The following ASCC1 variants were observed in gnomAD, a reference collection of about 807,000 sequenced individuals.
The protein encoded by ASCC1 is ASC-1 complex subunit P50.
In ASCC1, 35 loss-of-function variants were observed where a neutral mutation model predicts 46.6. The ratio of observed to expected loss-of-function variants is 0.75; its 90% CI spans 0.57 to 0.99. The LOEUF (loss-of-function observed/expected upper bound fraction) is 0.99, where lower values mean the gene tolerates loss of function less well. Ranked by LOEUF, ASCC1 falls within the 50% of genes least tolerant of loss-of-function variation. ASCC1 has a pLI of 0.00. For synonymous variants in ASCC1, 143 were observed against 146.6 expected (o/e 0.98, Z 0.18); for missense variants, 376 against 428.7 (o/e 0.88, Z 1.09).
chr10:72,194,854 T>C (rs982739763), intron 5 of ASCC1, among the ~76,000 whole-genome samples: 20 of 151,718 alleles, frequency 1.3e-4, no homozygotes, highest in African/African-American at 4.6e-4. Flanking sequence ...GCGATTCTCC[T>C]GCCTCAGCCT....
chr10:72,179,006 T>A (rs1852217052), intron 5 of ASCC1, among the ~76,000 whole-genome samples: 1 of 152,152 alleles, frequency 6.6e-6, no homozygotes, highest in African/African-American at 2.4e-5. Flanking sequence ...AATGAACGTG[T>A]CCTTAGATAA....
At chr10:72,215,313 G>A (rs1859000143) in intron 1 of ASCC1, among the ~76,000 whole-genome samples, 1 of 152,206 alleles carries the variant, frequency 6.6e-6, no homozygotes, top group Non-Finnish European at 1.5e-5. Flanking sequence ...GCACGAGAAT[G>A]GCTTAAGCCT....
chr10:72,099,197 C>T (rs998835105), intron 9 of ASCC1, among the ~76,000 whole-genome samples: 4 of 152,116 alleles, frequency 2.6e-5, no homozygotes, highest in African/African-American at 9.7e-5. Flanking sequence ...TGCAAGTGAC[C>T]GACCCATGAC....
chr10:72,157,630 G>A (rs1210540833), intron 6 of ASCC1, among the ~76,000 whole-genome samples: 1 of 152,110 alleles, frequency 6.6e-6, no homozygotes, highest in Non-Finnish European at 1.5e-5. Context: ...TCGAGAACCA[G>A]AAAAGGTTAC....
intron 9 of ASCC1, among the ~76,000 whole-genome samples, chr10:72,104,515 A>G (rs896560396): frequency 6.6e-6 from 1 of 152,222 alleles, no homozygotes; most frequent in African/African-American, 2.4e-5. Flanking sequence ...AAACATGAAG[A>G]ACAAAGTGTT....
At chr10:72,181,479 A>G (rs560053934) in intron 5 of ASCC1, among the ~76,000 whole-genome samples, 1 of 152,324 alleles carries the variant, frequency 6.6e-6, no homozygotes, top group Admixed American at 6.5e-5. Context: ...TAAAAACAAA[A>G]TAGAAGCTGA....
intron 9 of ASCC1, among the ~76,000 whole-genome samples, chr10:72,119,230 A>G (rs1843880344): frequency 6.6e-6 from 1 of 152,250 alleles, no homozygotes; most frequent in Non-Finnish European, 1.5e-5. Flanking sequence ...TCCTGCTTCC[A>G]GCAGGGGGAG....
chr10:72,103,278 G>A (rs553649739), intron 9 of ASCC1, among the ~76,000 whole-genome samples: 5 of 151,562 alleles, frequency 3.3e-5, no homozygotes, highest in East Asian at 2.0e-4. Flanking sequence ...GACTACAGGC[G>A]CCTGCCACCG....
chr10:72,097,673 C>A (rs1048278116), intron 9 of ASCC1, among the ~76,000 whole-genome samples: 20 of 152,296 alleles, frequency 1.3e-4, no homozygotes, highest in African/African-American at 3.6e-4. Flanking sequence ...TCTAAAGTCT[C>A]CCCTGACAAA....
At chr10:72,214,120 A>G (rs1258758647) in intron 1 of ASCC1, among the ~76,000 whole-genome samples, 1 of 152,010 alleles carries the variant, frequency 6.6e-6, no homozygotes, top group African/African-American at 2.4e-5. Flanking sequence ...TGGGAGGTTG[A>G]GGAAGGAGGA....
At chr10:72,174,373 T>G (rs1011270186) in intron 5 of ASCC1, among the ~76,000 whole-genome samples, 1 of 152,064 alleles carries the variant, frequency 6.6e-6, no homozygotes, top group Non-Finnish European at 1.5e-5. Context: ...ATATCAAGCT[T>G]GGGGAAAAGG....
intron 1 of ASCC1, among the ~76,000 whole-genome samples, chr10:72,215,282 C>T (rs1653826164): frequency 1.3e-5 from 2 of 152,124 alleles, no homozygotes; most frequent in Admixed American, 1.3e-4. Flanking sequence ...GCCTGTAGTC[C>T]CAACTACTGG....
At chr10:72,157,078 G>C (rs930074076) in intron 6 of ASCC1, among the ~76,000 whole-genome samples, 1 of 152,076 alleles carries the variant, frequency 6.6e-6, no homozygotes, top group African/African-American at 2.4e-5. Flanking sequence ...AAGTGCTTGG[G>C]TTACAGGCAT....
intron 1 of ASCC1, 36 bp from the exon 2 acceptor site, chr10:72,213,367 G>C (rs762089218): frequency 9.1e-6 from 11 of 1,208,354 alleles, no homozygotes; most frequent in Non-Finnish European, 1.2e-5. Context: ...CTTTCTTAGT[G>C]AGAATTAAAA....
intron 7 of ASCC1, among the ~76,000 whole-genome samples, chr10:72,145,490 T>G (rs1200259780): frequency 6.6e-6 from 1 of 152,166 alleles, no homozygotes; most frequent in African/African-American, 2.4e-5. Flanking sequence ...CTCCAACTCT[T>G]TTAGATCTCA....
At chr10:72,208,764 A>G (rs1857592915) in intron 3 of ASCC1, among the ~76,000 whole-genome samples, 1 of 150,304 alleles carries the variant, frequency 6.7e-6, no homozygotes, top group African/African-American at 2.5e-5. Context: ...CATCTCAAAA[A>G]AAATGTGTGT....
At chr10:72,190,475 C>A in intron 5 of ASCC1, 9 of 1,598,758 alleles carry the variant, frequency 5.6e-6, no homozygotes, top group South Asian at 4.4e-5. Context: ...CCGAAAGAGC[C>A]GTGGCCTTGG....
intron 9 of ASCC1, among the ~76,000 whole-genome samples, chr10:72,125,846 AC>A (rs1682699633): frequency 6.6e-6 from 1 of 152,154 alleles, no homozygotes; most frequent in South Asian, 2.1e-4. Flanking sequence ...AACTATCTGT[AC>A]CCCTCACGGA....
chr10:72,098,615 A>T (rs1285270349), intron 9 of ASCC1, among the ~76,000 whole-genome samples: 2 of 152,206 alleles, frequency 1.3e-5, no homozygotes, highest in African/African-American at 4.8e-5. Flanking sequence ...ATTTTTATAC[A>T]ACCTCCACAA....
Sources: allele counts gnomAD v4.1 joint callset (sites outside exome capture counted in the v4.1 genomes callset), GRCh38; gene constraint gnomAD v4.1.1; transcripts MANE v1.5; gene names NCBI Gene and HGNC (gene_info 2026-07-23, HGNC 2026-07-21).